The following KIAA0825 variants were observed in gnomAD, a reference collection of about 807,000 sequenced individuals.
KIAA0825 encodes the protein KIAA0825, also known as uncharacterized protein KIAA0825.
Under a neutral mutation model 147.6 loss-of-function variants are expected in KIAA0825, and 119 were observed. That is an observed-to-expected ratio of 0.81 (90% CI 0.69 to 0.94). KIAA0825 has a LOEUF of 0.94. KIAA0825 is among the 40% of genes least tolerant of loss of function. KIAA0825 has a pLI of 0.00. For synonymous variants in KIAA0825, 470 were observed against 518.1 expected, an observed-to-expected ratio of 0.91 and a Z score of 1.26; for missense variants, 1,381 against 1,472.7, an observed-to-expected ratio of 0.94 and a Z score of 1.02.
chr5:94,471,596 G>A lies in KIAA0825; in HGVS notation c.1591C>T (p.Leu531=), dbSNP rs762544312. 4.5e-6 allele frequency: 7 copies of A among 1,551,820 alleles called. No homozygotes were observed. In the East Asian group the frequency reaches 1.2e-4, roughly 27 times the overall value. Residue 531 remains leucine, a synonymous_variant, in exon 9 of 21, where the codon CTG becomes TTG. Transcript: ENST00000682413. ...CKVATAVLQR[L]QERAKEVPSK... ...GGAACCTCCTTGGCTCTCTCTTGCA[G>A]TCTCTGCAGGACAGCTGTTGCCACT...
Position 94,583,406 on chromosome 5 carries a change from G to A in KIAA0825, c.-152-823C>T, listed in dbSNP as rs527241309. Among the ~76,000 whole-genome samples, 34 of 152,362 alleles carry A rather than the reference G, an allele frequency of 2.2e-4. No individual in the cohort carries two copies. The South Asian group carries it at 6.8e-3, about 31-fold the overall frequency. ...ACCCATGAAGCCTTGCTTGCTGCTA[G>A]TGCAGCAGTCTGAGATCGACCTGGG... On this transcript the variant is annotated intron_variant, in intron 1 of 20. Transcript: ENST00000682413.
intron 20 of KIAA0825, among the ~76,000 whole-genome samples, chr5:94,166,899 TC>T (rs1768100980): frequency 6.6e-6 from 1 of 152,160 alleles, no homozygotes; most frequent in African/African-American, 2.4e-5. Context: ...AATATGATGT[TC>T]TATAGTCCCA....
At chr5:94,321,049 A>G (rs1780137181) in intron 20 of KIAA0825, among the ~76,000 whole-genome samples, 1 of 152,052 alleles carries the variant, frequency 6.6e-6, no homozygotes, top group Non-Finnish European at 1.5e-5. Context: ...AACTTTTCCT[A>G]GTGAGATTTT....
chr5:94,413,353 T>C (rs891064386), intron 15 of KIAA0825: 1 of 152,166 alleles, frequency 6.6e-6, no homozygotes, highest in African/African-American at 2.4e-5. Flanking sequence ...CTAGTATTCA[T>C]AGCAGCTTTA....
chr5:94,312,233 G>T (rs1779252203), intron 20 of KIAA0825, among the ~76,000 whole-genome samples: 1 of 151,720 alleles, frequency 6.6e-6, no homozygotes, highest in African/African-American at 2.4e-5. Flanking sequence ...GTGTGTGTGT[G>T]TGTGTGCATA....
intron 20 of KIAA0825, among the ~76,000 whole-genome samples, chr5:94,205,577 C>T (rs1562312168): frequency 6.6e-6 from 1 of 152,106 alleles, no homozygotes; most frequent in African/African-American, 2.4e-5. Context: ...AGGCGTGAGC[C>T]ACCATGCCCG....
In KIAA0825 at chr5:94,151,283, G is replaced by A. The variant is rs1468259472; in HGVS notation, c.*2724C>T. ...ATACAAAAAAGTAGCCGGGCGCGGT[G>A]GCGGGCGCCTGTAGTCCCAGCTACT... On this transcript the variant is annotated 3_prime_UTR_variant, in exon 21 of 21. Transcript: ENST00000682413. 2.0e-5 allele frequency among the ~76,000 whole-genome samples: 3 copies of A among 151,036 alleles called. No homozygotes were observed. The East Asian group carries it at 5.8e-4, about 29-fold the overall frequency.
chr5:94,306,028 C>G (rs1446663955), intron 20 of KIAA0825, among the ~76,000 whole-genome samples: 4 of 151,840 alleles, frequency 2.6e-5, no homozygotes, highest in Non-Finnish European at 4.4e-5. Flanking sequence ...CCCCACCTCT[C>G]CAATGGCCCA....
At chr5:94,456,545 A>C (rs1003884797) in intron 12 of KIAA0825, among the ~76,000 whole-genome samples, 2 of 152,224 alleles carry the variant, frequency 1.3e-5, no homozygotes, top group Non-Finnish European at 2.9e-5. Context: ...GTATGGGCAC[A>C]TGCAGGAACC....
chr5:94,338,590 T>G (rs1782048517), intron 20 of KIAA0825, among the ~76,000 whole-genome samples: 1 of 152,186 alleles, frequency 6.6e-6, no homozygotes, highest in Non-Finnish European at 1.5e-5. Context: ...ATCTTTACTG[T>G]ACTGTTTAGT....
At chr5:94,241,690 C>A (rs566942149) in intron 20 of KIAA0825, among the ~76,000 whole-genome samples, 15 of 152,206 alleles carry the variant, frequency 9.9e-5, no homozygotes, top group Non-Finnish European at 1.8e-4. Context: ...TCAAAGAGGT[C>A]GTACTAAAAC....
intron 10 of KIAA0825, among the ~76,000 whole-genome samples, chr5:94,469,311 C>T (rs568281203): frequency 6.6e-6 from 1 of 152,090 alleles, no homozygotes; most frequent in Non-Finnish European, 1.5e-5. Flanking sequence ...GCTGTAATTA[C>T]AGGCATGCAC....
intron 1 of KIAA0825, among the ~76,000 whole-genome samples, chr5:94,615,344 A>G (rs529557042): frequency 5.4e-4 from 82 of 152,208 alleles, no homozygotes; most frequent in Non-Finnish European, 1.1e-3. Flanking sequence ...CATGATACCC[A>G]GAGCTTTTGC....
In KIAA0825 at chr5:94,396,246, T is replaced by C. The variant is rs1399229677; in HGVS notation, c.3151A>G (p.Ile1051Val). Residue 1051 changes from isoleucine to valine, a missense_variant, in exon 17 of 21, where the codon ATT becomes GTT. By Grantham distance (29) the Ile-to-Val change is conservative (BLOSUM62 3). Transcript: ENST00000682413. ...ATGATGCTTTTCAAACACATACAAA[T>C]TAAACCCAATTTTTCTTTACTCCAT... ...DRWSKEKLGL[I>V]CMCLKSIMGD... The C allele has an allele frequency of 6.4e-7, 1 of 1,551,666 alleles. No individual in the cohort carries two copies. The highest frequency in any genetic ancestry group is 8.7e-7 in the Non-Finnish European group (1 of 1,146,946).
rs1488051676 is a variant in KIAA0825, at chr5:94,473,480, C to T, written c.1267G>A (p.Glu423Lys). Residue 423 changes from glutamate (E) to lysine (K), a missense_variant, in exon 8 of 21, where the codon GAA becomes AAA. Physicochemically the swap from Glu to Lys is moderately conservative, Grantham distance 56. Transcript: ENST00000682413. Reference protein sequence around the residue: ...LDFGWRSAFKEVSLPMAHCVV... With the variant: ...LDFGWRSAFKKVSLPMAHCVV... ...CAGTGCGCCATGGGAAGAGACACTT[C>T]TTTAAATGCACTTCTCCAGCCAAAA... is the stretch of plus-strand genomic sequence containing the variant. 8 of 1,551,702 alleles carry T rather than the reference C, an allele frequency of 5.2e-6. No homozygotes were observed. Among genetic ancestry groups the T allele is most frequent in the Non-Finnish European group, 7.0e-6 (8 of 1,146,992 alleles).
intron 20 of KIAA0825, among the ~76,000 whole-genome samples, chr5:94,292,428 G>A (rs568601042): frequency 6.6e-5 from 10 of 152,198 alleles, no homozygotes; most frequent in South Asian, 2.1e-4. Flanking sequence ...TGTGTATGTC[G>A]AACCAGCCTT....
chr5:94,563,940 C>G (rs541947847), intron 2 of KIAA0825, among the ~76,000 whole-genome samples: 9 of 152,280 alleles, frequency 5.9e-5, no homozygotes, highest in African/African-American at 2.2e-4. Flanking sequence ...CCGCCTCAGC[C>G]TCCCAAACTG....
chr5:94,477,845 T>C (rs1162384114), intron 6 of KIAA0825, among the ~76,000 whole-genome samples: 1 of 152,170 alleles, frequency 6.6e-6, no homozygotes. Context: ...ATTTGATCTA[T>C]AAAAATGTAA....
At chr5:94,385,716 A>C (rs1164092358) in intron 19 of KIAA0825, among the ~76,000 whole-genome samples, 3 of 152,226 alleles carry the variant, frequency 2.0e-5, no homozygotes, top group African/African-American at 7.2e-5. Flanking sequence ...TTTATTCCAA[A>C]TAGACCGGCT....
Sources: allele counts gnomAD v4.1 joint callset (sites outside exome capture counted in the v4.1 genomes callset), GRCh38; gene constraint gnomAD v4.1.1; transcripts MANE v1.5; gene names NCBI Gene and HGNC (gene_info 2026-07-23, HGNC 2026-07-21).